The following PRKACB variants were observed in gnomAD, a reference collection of about 807,000 sequenced individuals.
The protein encoded by PRKACB is cAMP-dependent protein kinase catalytic subunit beta.
PRKACB carries 16 observed loss-of-function variants against 51.4 expected under a neutral mutation model. The ratio of observed to expected loss-of-function variants is 0.31; its 90% confidence interval spans 0.21 to 0.47. The LOEUF is 0.47. Ranked by LOEUF, PRKACB falls within the 20% of genes least tolerant of loss-of-function variation. The probability of loss-of-function intolerance (pLI) is 1.00; values close to 1 mark genes in which losing one functional copy is unlikely to be tolerated. For missense variants in PRKACB, 309 were observed against 464.5 expected (o/e 0.67, Z 3.08); for synonymous variants, 147 against 154.4 (o/e 0.95, Z 0.35).
chr1:84,206,013 G>A (rs540041949), intron 8 of PRKACB, among the ~76,000 whole-genome samples: 19 of 152,136 alleles, frequency 1.2e-4, no homozygotes, highest in African/African-American at 4.3e-4. Context: ...ATCAGTTATG[G>A]TCTCTATAGC....
chr1:84,205,711 C>T (rs994234477), intron 8 of PRKACB, among the ~76,000 whole-genome samples: 7 of 151,928 alleles, frequency 4.6e-5, no homozygotes, highest in Middle Eastern at 3.2e-3. Flanking sequence ...AAAATACTTT[C>T]TCTATTACAA....
At chr1:84,131,539 G>A (rs191528654) in intron 1 of PRKACB, among the ~76,000 whole-genome samples, 4 of 152,292 alleles carry the variant, frequency 2.6e-5, no homozygotes, top group Admixed American at 6.5e-5. Flanking sequence ...GCAGTGACAT[G>A]TAAAGAACCT....
At chr1:84,186,439 G>A (rs753889980) in intron 5 of PRKACB, among the ~76,000 whole-genome samples, 1 of 151,796 alleles carries the variant, frequency 6.6e-6, no homozygotes, top group African/African-American at 2.4e-5. Context: ...GGCTGGTCTC[G>A]AACTCCTGAT....
At chr1:84,174,160 C>T (rs1660459999) in intron 1 of PRKACB, among the ~76,000 whole-genome samples, 1 of 151,828 alleles carries the variant, frequency 6.6e-6, no homozygotes, top group South Asian at 2.1e-4. Context: ...CTGTGCACTT[C>T]ATCTCCCACT....
At chr1:84,203,332 CA>C (rs1247772168) in intron 8 of PRKACB, among the ~76,000 whole-genome samples, 1 of 151,966 alleles carries the variant, frequency 6.6e-6, no homozygotes, top group Non-Finnish European at 1.5e-5. Flanking sequence ...TTTTAGCAAA[CA>C]TGGAAATAAC....
intron 1 of PRKACB, among the ~76,000 whole-genome samples, chr1:84,129,379 A>T (rs1651946639): frequency 6.6e-6 from 1 of 152,152 alleles, no homozygotes; most frequent in South Asian, 2.1e-4. Flanking sequence ...AATCAATTTC[A>T]TATTAATAAT....
chr1:84,183,098 A>C (rs1664040141), intron 3 of PRKACB, among the ~76,000 whole-genome samples: 1 of 151,962 alleles, frequency 6.6e-6, no homozygotes, highest in Admixed American at 6.6e-5. Flanking sequence ...TGGTATCTTT[A>C]ATTACTTTTG....
chr1:84,196,568 T>C, intron 5 of PRKACB, 48 bp from the exon 6 acceptor site: 1 of 1,569,034 alleles, frequency 6.4e-7, no homozygotes, highest in Non-Finnish European at 8.6e-7. Flanking sequence ...CTAATTAGAA[T>C]GTATTAACTC....
intron 1 of PRKACB, among the ~76,000 whole-genome samples, chr1:84,131,824 G>A (rs1006298303): frequency 2.0e-5 from 3 of 152,230 alleles, no homozygotes; most frequent in African/African-American, 4.8e-5. Context: ...ACCTCTGGGA[G>A]CAGCAGTCTT....
At chr1:84,123,192 C>T (rs193256881) in intron 1 of PRKACB, among the ~76,000 whole-genome samples, 2 of 152,264 alleles carry the variant, frequency 1.3e-5, no homozygotes, top group Non-Finnish European at 2.9e-5. Flanking sequence ...TAGAATACCA[C>T]ATAGTGATGT....
chr1:84,230,050 G>A (rs370472680), intron 9 of PRKACB, among the ~76,000 whole-genome samples: 14,528 of 151,726 alleles, frequency 0.096, 923 homozygotes, highest in Middle Eastern at 0.17. Flanking sequence ...TTCTTCTAGG[G>A]TTTTTATGGT....
chr1:84,080,245 T>C (rs540237919), intron 1 of PRKACB, among the ~76,000 whole-genome samples: 3 of 152,312 alleles, frequency 2.0e-5, no homozygotes, highest in Admixed American at 2.0e-4. Flanking sequence ...TTTATTAAGT[T>C]ACCAAAACAA....
At chr1:84,127,737 T>G (rs1651756205) in intron 1 of PRKACB, among the ~76,000 whole-genome samples, 1 of 152,028 alleles carries the variant, frequency 6.6e-6, no homozygotes, top group Non-Finnish European at 1.5e-5. Flanking sequence ...GCTAACACAT[T>G]CAATTGACTA....
chr1:84,138,533 C>CA (rs1001977457), intron 1 of PRKACB, among the ~76,000 whole-genome samples: 1 of 151,480 alleles, frequency 6.6e-6, no homozygotes, highest in Non-Finnish European at 1.5e-5. Context: ...TTGTAATCTT[C>CA]AAAAAAAATC....
At chr1:84,128,007 C>CTTTTTTTTTTT (rs10537848) in intron 1 of PRKACB, among the ~76,000 whole-genome samples, 54 of 105,396 alleles carry the variant, frequency 5.1e-4, no homozygotes, top group Non-Finnish European at 6.4e-4. Context: ...CTTTTTTTTT[C>CTTTTTTTTTTT]TTTTTTTTTT....
intron 1 of PRKACB, among the ~76,000 whole-genome samples, chr1:84,145,321 A>AT (rs1400960500): frequency 6.6e-6 from 1 of 152,080 alleles, no homozygotes; most frequent in Non-Finnish European, 1.5e-5. Context: ...TCCTCAAGGT[A>AT]TTTCTGTGAC....
At chr1:84,079,565 G>A (rs1207438391) in intron 1 of PRKACB, among the ~76,000 whole-genome samples, 1 of 152,128 alleles carries the variant, frequency 6.6e-6, no homozygotes, top group Non-Finnish European at 1.5e-5. Context: ...TTCATTTTCA[G>A]GAGCTTCAGA....
At chr1:84,196,788 G>C (rs751151980) in intron 6 of PRKACB, 46 bp downstream of exon 6, 3 of 1,528,098 alleles carry the variant, frequency 2.0e-6, no homozygotes, top group Non-Finnish European at 2.7e-6. Context: ...GAAAATACTA[G>C]GCAAGACATT....
intron 9 of PRKACB, among the ~76,000 whole-genome samples, chr1:84,215,880 C>CT (rs1358693219): frequency 6.6e-6 from 1 of 151,246 alleles, no homozygotes; most frequent in Non-Finnish European, 1.5e-5. Flanking sequence ...TTTTTTTCTT[C>CT]TTTTTTTTCA....
Sources: gnomAD v4.1 joint callset for allele counts (sites outside exome capture counted in the v4.1 genomes callset) on GRCh38, gnomAD v4.1.1 for gene constraint, MANE v1.5 for transcripts, NCBI Gene and HGNC (gene_info 2026-07-23, HGNC 2026-07-21) for gene names.